Variants in MTRF1 observed in about 807,000 individuals in gnomAD.
MTRF1 encodes the protein mitochondrial translation release factor 1, also known as peptide chain release factor 1, mitochondrial.
Under a neutral mutation model 62.9 loss-of-function variants are expected in MTRF1, and 51 were observed. That is an observed-to-expected ratio of 0.81 (90% CI 0.65 to 1.02). The LOEUF (loss-of-function observed/expected upper bound fraction) is 1.02, where lower values mean the gene tolerates loss of function less well. Among genes scored for constraint, MTRF1 ranks in the 50% least tolerant of loss-of-function variants. The pLI is 0.00. For synonymous variants in MTRF1, 158 were observed against 181.9 expected (o/e 0.87, Z 1.06); for missense variants, 446 against 530.0 (o/e 0.84, Z 1.56).
In MTRF1 at chr13:41,260,600, C is replaced by T. The variant is rs377468719; in HGVS notation, c.308G>A (p.Arg103Gln). The T allele has an allele frequency of 1.4e-5, 22 of 1,614,134 alleles. No individual in the cohort carries two copies. In the East Asian group the frequency reaches 2.0e-4, roughly 15 times the overall value. ...AGCATGCCTTCTGTTCAAGGACCTTCGGTTTTCCTCATTCACAGGGATATG... is the reference window on the plus strand; with the variant it reads ...AGCATGCCTTCTGTTCAAGGACCTTTGGTTTTCCTCATTCACAGGGATATG... ...LQHIPVNEEN[R>Q]RSLNRRHAEL... The change falls in exon 2 of 10, where the codon CGA becomes CAA. Residue 103 changes from arginine to glutamine, a missense_variant. Coordinates refer to ENST00000379480, the MANE Select transcript of MTRF1 (RefSeq NM_004294.4).
chr13:41,236,398 C>T (rs1312306306), intron 6 of MTRF1: 1 of 152,232 alleles, frequency 6.6e-6, no homozygotes, highest in Non-Finnish European at 1.5e-5. Flanking sequence ...CAGGCATGAG[C>T]CACTGTGCCC....
Position 41,260,724 on chromosome 13 carries a change from A to C in MTRF1, c.184T>G (p.Cys62Gly). 6.2e-7 allele frequency: 1 copy of C among 1,614,190 alleles called. No individual in the cohort carries two copies. The highest frequency in any genetic ancestry group is 8.5e-7 in the Non-Finnish European group (1 of 1,180,036). ...LLSKNWSRRY[C>G]HQDTKMLWKH... Reference sequence around the variant, plus strand: ...CAGAGCATCTTGGTGTCTTGATGGCAATATCTCCTGGACCAATTCTTACTT... The same window carrying C: ...CAGAGCATCTTGGTGTCTTGATGGCCATATCTCCTGGACCAATTCTTACTT... Residue 62 changes from cysteine (C) to glycine (G), a missense_variant, in exon 2 of 10, where the codon TGC (cysteine) becomes GGC (glycine). Physicochemically the swap from Cys to Gly is radical, Grantham distance 159. Coordinates refer to ENST00000379480, the MANE Select transcript of MTRF1 (RefSeq NM_004294.4).
chr13:41,277,009 A>T, the MTRF1 span, among the ~76,000 whole-genome samples: 1 of 151,038 alleles, frequency 6.6e-6, no homozygotes, highest in East Asian at 1.9e-4. Context: ...TTGCATAACC[A>T]CCCCCATCCC....
At chr13:41,274,040 G>A in the MTRF1 span, among the ~76,000 whole-genome samples, 2 of 152,314 alleles carry the variant, frequency 1.3e-5, no homozygotes, top group Admixed American at 1.3e-4. Flanking sequence ...GTGAGACCAG[G>A]GGTGACTTTG....
chr13:41,269,053 G>A, the MTRF1 span, among the ~76,000 whole-genome samples: 1 of 146,730 alleles, frequency 6.8e-6, no homozygotes, highest in African/African-American at 2.5e-5. Context: ...TTTTAGTCTA[G>A]AACTAAATTT....
At chr13:41,225,298 G>T (rs1176339292) in intron 8 of MTRF1, among the ~76,000 whole-genome samples, 1 of 151,428 alleles carries the variant, frequency 6.6e-6, no homozygotes, top group African/African-American at 2.4e-5. Flanking sequence ...AAATTCAAAT[G>T]TGGCAGAGTT....
chr13:41,232,352 G>C (rs1169523654), intron 7 of MTRF1, among the ~76,000 whole-genome samples: 1 of 151,796 alleles, frequency 6.6e-6, no homozygotes, highest in Non-Finnish European at 1.5e-5. Context: ...GACAATATGA[G>C]GAAAAAACAA....
At chr13:41,238,907 G>C (rs1350650381) in intron 6 of MTRF1, among the ~76,000 whole-genome samples, 1 of 152,054 alleles carries the variant, frequency 6.6e-6, no homozygotes, top group Non-Finnish European at 1.5e-5. Context: ...ACATAATACA[G>C]AGGATAAAGG....
At chr13:41,297,860 G>A in the MTRF1 span, among the ~76,000 whole-genome samples, 1 of 152,074 alleles carries the variant, frequency 6.6e-6, no homozygotes, top group Non-Finnish European at 1.5e-5. Flanking sequence ...ACAGGTGTGA[G>A]CCACCATGCC....
At chr13:41,311,819 C>T in the MTRF1 span, among the ~76,000 whole-genome samples, 2 of 152,238 alleles carry the variant, frequency 1.3e-5, no homozygotes, top group Non-Finnish European at 2.9e-5. Flanking sequence ...CTCACCCCCG[C>T]CGCGCTCTTT....
intron 5 of MTRF1, among the ~76,000 whole-genome samples, chr13:41,247,057 C>T (rs1392577549): frequency 1.3e-5 from 2 of 152,242 alleles, no homozygotes; most frequent in Non-Finnish European, 2.9e-5. Context: ...AAGGCATATG[C>T]AGGCATACAA....
chr13:41,229,992 C>G (rs968746078), intron 7 of MTRF1, among the ~76,000 whole-genome samples: 2 of 151,804 alleles, frequency 1.3e-5, no homozygotes, highest in African/African-American at 2.4e-5. Flanking sequence ...TCCCAGCTAC[C>G]TGGGAGGCTG....
At chr13:41,232,201 GAAAT>G (rs1317440071) in intron 7 of MTRF1, among the ~76,000 whole-genome samples, 1 of 151,818 alleles carries the variant, frequency 6.6e-6, no homozygotes, top group Non-Finnish European at 1.5e-5. Flanking sequence ...ATAAAAAAAA[GAAAT>G]AAGTATCAAC....
chr13:41,257,899 G>C (rs1394494265), intron 2 of MTRF1: 1 of 277,148 alleles, frequency 3.6e-6, no homozygotes, highest in Admixed American at 3.7e-5. Context: ...ACTGAGCTTA[G>C]TGCCTAGCAC....
chr13:41,273,710 A>G, the MTRF1 span, among the ~76,000 whole-genome samples: 21 of 151,876 alleles, frequency 1.4e-4, no homozygotes, highest in African/African-American at 4.1e-4. Context: ...GGTGGTGCAC[A>G]CCTGCAATCC....
At chr13:41,247,478 A>G (rs1379106911) in intron 5 of MTRF1, among the ~76,000 whole-genome samples, 1 of 152,192 alleles carries the variant, frequency 6.6e-6, no homozygotes, top group Non-Finnish European at 1.5e-5. Flanking sequence ...AGCAGCTGCA[A>G]TTGGATTCAC....
intron 7 of MTRF1, among the ~76,000 whole-genome samples, chr13:41,231,451 TG>T (rs2035538947): frequency 6.6e-6 from 1 of 152,192 alleles, no homozygotes; most frequent in South Asian, 2.1e-4. Context: ...AGGGCAAGTA[TG>T]GAGTATGGGC....
At chr13:41,268,870 C>G in the MTRF1 span, among the ~76,000 whole-genome samples, 5 of 151,834 alleles carry the variant, frequency 3.3e-5, no homozygotes, top group African/African-American at 1.2e-4. Context: ...AAGCCCAATC[C>G]CTGGAGAGAC....
At chr13:41,250,639 G>A (rs2038951083) in intron 5 of MTRF1, among the ~76,000 whole-genome samples, 1 of 151,892 alleles carries the variant, frequency 6.6e-6, no homozygotes, top group Non-Finnish European at 1.5e-5. Context: ...GATTACAGGT[G>A]TGCACCACCA....
Sources: allele counts gnomAD v4.1 joint callset (sites outside exome capture counted in the v4.1 genomes callset), GRCh38; gene constraint gnomAD v4.1.1; transcripts MANE v1.5; gene names NCBI Gene and HGNC (gene_info 2026-07-23, HGNC 2026-07-21).